Variants in RTL9 observed in about 807,000 individuals in gnomAD.
The protein encoded by RTL9 is retrotransposon Gag-like protein 9.
In RTL9, 19 loss-of-function variants were observed where a neutral mutation model predicts 44.7. The ratio of observed to expected loss-of-function variants is 0.42; its 90% CI spans 0.30 to 0.62. The LOEUF (loss-of-function observed/expected upper bound fraction) is 0.62. RTL9 is among the 20% of genes least tolerant of loss of function. The pLI, the probability that RTL9 is intolerant of heterozygous loss-of-function variation, is 0.16. For missense variants in RTL9, 1,105 were observed against 1,080.6 expected (o/e 1.02, Z -0.32); for synonymous variants, 407 against 398.9 (o/e 1.02, Z -0.24).
intron 1 of RTL9, among the ~76,000 whole-genome samples, chrX:110,443,439 C>A (rs1183140677): frequency 8.9e-6 from 1 of 112,094 alleles, no homozygotes; most frequent in African/African-American, 3.3e-5. Flanking sequence ...CCCCACCACA[C>A]TTTTATTTTG....
At chrX:110,419,603 T>C in intron 1 of RTL9, among the ~76,000 whole-genome samples, 1 of 111,942 alleles carries the variant, frequency 8.9e-6, no homozygotes, top group Non-Finnish European at 1.9e-5. Flanking sequence ...TCCTCTAGAG[T>C]GGTGCTTGGC....
chrX:110,399,337 T>A (rs922917227), intron 1 of RTL9, among the ~76,000 whole-genome samples: 4 of 112,054 alleles, frequency 3.6e-5, no homozygotes, highest in Non-Finnish European at 7.5e-5. Flanking sequence ...AGTGAGCAAG[T>A]GGTAAAACTG....
At chrX:110,436,653 C>T (rs1389774368) in intron 1 of RTL9, among the ~76,000 whole-genome samples, 1 of 111,897 alleles carries the variant, frequency 8.9e-6, no homozygotes, top group African/African-American at 3.3e-5. Flanking sequence ...CTTGTCACCA[C>T]ATACCTTGAA....
At chrX:110,406,442 T>C (rs1205473491) in intron 1 of RTL9, among the ~76,000 whole-genome samples, 2 of 112,235 alleles carry the variant, frequency 1.8e-5, no homozygotes, top group East Asian at 2.8e-4. Flanking sequence ...GAACTCATTC[T>C]TTTTTATGGC....
chrX:110,404,450 C>G (rs967347856), intron 1 of RTL9, among the ~76,000 whole-genome samples: 1 of 111,758 alleles, frequency 8.9e-6, no homozygotes, highest in South Asian at 3.8e-4. Flanking sequence ...AAAATACACT[C>G]GCAGGACAAA....
chrX:110,372,032 C>T (rs1010464384), intron 1 of RTL9, among the ~76,000 whole-genome samples: 1 of 111,400 alleles, frequency 9.0e-6, no homozygotes, highest in Non-Finnish European at 1.9e-5. Flanking sequence ...TGTTAAGGTC[C>T]CAGCTCCTAG....
intron 1 of RTL9, among the ~76,000 whole-genome samples, chrX:110,443,178 G>A (rs183467066): frequency 3.6e-5 from 4 of 111,835 alleles, no homozygotes; most frequent in African/African-American, 1.3e-4. Flanking sequence ...TTACAGATGA[G>A]GAAACTGAGG....
At chrX:110,413,523 C>T (rs892578143) in intron 1 of RTL9, among the ~76,000 whole-genome samples, 1 of 105,602 alleles carries the variant, frequency 9.5e-6, no homozygotes, top group African/African-American at 3.5e-5. Flanking sequence ...AACCCCCCCC[C>T]ACCCCCACAT....
chrX:110,424,669 A>G (rs1482721651), intron 1 of RTL9, among the ~76,000 whole-genome samples: 3 of 112,054 alleles, frequency 2.7e-5, no homozygotes, highest in African/African-American at 9.8e-5. Flanking sequence ...GAATTTATTA[A>G]ATCTACCTCA....
chrX:110,442,731 C>T (rs1232222001), intron 1 of RTL9, among the ~76,000 whole-genome samples: 2 of 111,544 alleles, frequency 1.8e-5, no homozygotes, highest in African/African-American at 6.5e-5. Context: ...TAAGGAGTTT[C>T]CATCCACAGA....
At chrX:110,382,347 C>G (rs890075159) in intron 1 of RTL9, among the ~76,000 whole-genome samples, 1 of 110,404 alleles carries the variant, frequency 9.1e-6, no homozygotes, top group Non-Finnish European at 1.9e-5. Flanking sequence ...CCCAGCAACC[C>G]AAACACCACC....
chrX:110,454,464 A>G (rs750507191), exon 1 of RTL9: 23 of 1,211,931 alleles, frequency 1.9e-5, no homozygotes, highest in Middle Eastern at 2.3e-4. Flanking sequence ...AGAAGCTGTT[A>G]CCACCAAAAT....
intron 1 of RTL9, among the ~76,000 whole-genome samples, chrX:110,379,951 T>C (rs1355753827): frequency 8.9e-6 from 1 of 111,961 alleles, no homozygotes; most frequent in Non-Finnish European, 1.9e-5. Context: ...ATTATTATAA[T>C]CCTCATTTAC....
chrX:110,433,444 G>T (rs1254964390), intron 1 of RTL9, among the ~76,000 whole-genome samples: 1 of 111,664 alleles, frequency 9.0e-6, no homozygotes, highest in Non-Finnish European at 1.9e-5. Flanking sequence ...GGTAGGAGAG[G>T]ATGGGAGGAT....
chrX:110,451,095 G>T (rs1569433157), exon 1 of RTL9: 1 of 1,210,862 alleles, frequency 8.3e-7, no homozygotes, highest in East Asian at 3.0e-5. Flanking sequence ...GGTAGCACCA[G>T]ATTCTGCAGA....
chrX:110,404,653 AC>A (rs1375550243), intron 1 of RTL9, among the ~76,000 whole-genome samples: 36 of 111,691 alleles, frequency 3.2e-4, no homozygotes, highest in African/African-American at 1.1e-3. Flanking sequence ...CCTTGGGAGA[AC>A]CGGCCTTGTT....
At position 110,374,703 on chromosome X, in the gene RTL9, T is replaced by TC. The variant is rs35274870; in HGVS notation, c.-168+15788dup. Reference sequence around the variant, plus strand: ...GACTTAGGCTGCATAGAATTTATTTTCGGTGGAGGGTGCAAAGGACAGCTT... The same window carrying TC: ...GACTTAGGCTGCATAGAATTTATTTTCCGGTGGAGGGTGCAAAGGACAGCTT... On this transcript the variant is annotated intron_variant, in intron 1 of 2. Coordinates refer to the RTL9 transcript ENST00000520821. Among the ~76,000 whole-genome samples the TC allele has an allele frequency of 2.7e-5, 3 of 111,729 alleles. No individual in the cohort carries two copies. In the East Asian group the frequency reaches 8.4e-4, roughly 31 times the overall value.
intron 1 of RTL9, among the ~76,000 whole-genome samples, chrX:110,393,397 C>A (rs2068507965): frequency 1.8e-5 from 2 of 111,902 alleles, no homozygotes; most frequent in African/African-American, 6.5e-5. Context: ...CATCTCTGAT[C>A]CTCACAACAG....
chrX:110,398,235 C>T (rs934154418), intron 1 of RTL9, among the ~76,000 whole-genome samples: 1 of 112,135 alleles, frequency 8.9e-6, no homozygotes, highest in Non-Finnish European at 1.9e-5. Flanking sequence ...GGTGAACCCG[C>T]TGGCACCACA....
Sources: gnomAD v4.1 joint callset for allele counts (sites outside exome capture counted in the v4.1 genomes callset) on GRCh38, gnomAD v4.1.1 for gene constraint, MANE v1.5 for transcripts, NCBI Gene and HGNC (gene_info 2026-07-23, HGNC 2026-07-21) for gene names.